TFEC: variants seen among roughly 807,000 people sequenced by gnomAD.
TFEC encodes class E basic helix-loop-helix protein 34.
TFEC carries 31 observed loss-of-function variants against 41.6 expected under a neutral mutation model. That is an observed-to-expected ratio of 0.74 (90% CI 0.56 to 1.01). TFEC has a LOEUF of 1.01. Among genes scored for constraint, TFEC ranks in the 50% least tolerant of loss-of-function variants. The probability of loss-of-function intolerance (pLI) is 0.00; values close to 1 mark genes in which losing one functional copy is unlikely to be tolerated. For synonymous variants in TFEC, 143 were observed against 140.6 expected, an observed-to-expected ratio of 1.02 and a Z score of -0.12; for missense variants, 402 against 404.1, an observed-to-expected ratio of 0.99 and a Z score of 0.04.
chr7:115,977,345 T>C (rs1043892258), intron 2 of TFEC, among the ~76,000 whole-genome samples: 1 of 151,988 alleles, frequency 6.6e-6, no homozygotes, highest in African/African-American at 2.4e-5. Context: ...AGTATAAGAT[T>C]CAAGGACAAA....
intron 3 of TFEC, among the ~76,000 whole-genome samples, chr7:115,970,681 G>A (rs1444476192): frequency 6.6e-6 from 1 of 151,940 alleles, no homozygotes; most frequent in East Asian, 1.9e-4. Context: ...ACAAATGGTA[G>A]GGCTAGCTTT....
intron 2 of TFEC, among the ~76,000 whole-genome samples, chr7:115,978,071 A>AAT (rs1793464402): frequency 6.6e-6 from 1 of 152,136 alleles, no homozygotes; most frequent in Admixed American, 6.6e-5. Flanking sequence ...TAAGTACAAG[A>AAT]ATATAAATGA....
At chr7:116,119,309 A>C (rs73719113) in intron 1 of TFEC, among the ~76,000 whole-genome samples, 1,936 of 151,976 alleles carry the variant, frequency 0.013, 44 homozygotes, top group African/African-American at 0.045. Flanking sequence ...GAAAAATAGT[A>C]TTAGCAATAA....
At chr7:116,032,333 T>C (rs1161486480), upstream of TFEC, among the ~76,000 whole-genome samples, 3 of 152,126 alleles carry the variant, frequency 2.0e-5, no homozygotes, top group Admixed American at 1.3e-4. Context: ...CATTACTAGG[T>C]ATATGCCCAA....
chr7:116,121,452 G>A (rs547597649), intron 1 of TFEC: 59 of 152,026 alleles, frequency 3.9e-4, no homozygotes, highest in African/African-American at 1.3e-3. Context: ...GTTTCTCTCT[G>A]GGGTGACGAA....
chr7:116,117,724 A>G (rs1481469790), intron 1 of TFEC, among the ~76,000 whole-genome samples: 4 of 151,900 alleles, frequency 2.6e-5, no homozygotes, highest in Non-Finnish European at 5.9e-5. Context: ...ACAGAAATAA[A>G]CAGTGTGCCA....
chr7:116,095,980 C>A (rs1484583275), intron 3 of TFEC, among the ~76,000 whole-genome samples: 2 of 152,160 alleles, frequency 1.3e-5, no homozygotes, highest in Non-Finnish European at 2.9e-5. Flanking sequence ...AGATGTGTTT[C>A]CTCTTCTAAA....
At chr7:116,014,654 C>A (rs1056788687) in intron 1 of TFEC, among the ~76,000 whole-genome samples, 3 of 152,048 alleles carry the variant, frequency 2.0e-5, no homozygotes, top group African/African-American at 7.3e-5. Flanking sequence ...TACCCTAGAA[C>A]CTGTGGATAA....
intron 1 of TFEC, among the ~76,000 whole-genome samples, chr7:115,990,483 G>C (rs1331764439): frequency 6.6e-6 from 1 of 152,142 alleles, no homozygotes; most frequent in Non-Finnish European, 1.5e-5. Flanking sequence ...TAAAAACCTT[G>C]AAAAGAGATT....
chr7:115,943,423 AT>A (rs1452292547), intron 6 of TFEC, among the ~76,000 whole-genome samples: 1 of 151,982 alleles, frequency 6.6e-6, no homozygotes, highest in African/African-American at 2.4e-5. Context: ...AGAGAAACAG[AT>A]TTAAAAAAAA....
intron 3 of TFEC, among the ~76,000 whole-genome samples, chr7:116,059,480 C>CCCCA (rs1176944884): frequency 1.3e-5 from 2 of 151,808 alleles, no homozygotes; most frequent in Non-Finnish European, 2.9e-5. Flanking sequence ...CGTCTTCTTC[C>CCCCA]CCCACTCACT....
intron 3 of TFEC, among the ~76,000 whole-genome samples, chr7:116,072,989 T>G (rs116532645): frequency 0.014 from 2,106 of 151,240 alleles, 45 homozygotes; most frequent in African/African-American, 0.049. Context: ...AATTAATAAT[T>G]AATTAATTAA....
chr7:116,093,395 A>C (rs1401682767), intron 3 of TFEC, among the ~76,000 whole-genome samples: 1 of 152,106 alleles, frequency 6.6e-6, no homozygotes, highest in Non-Finnish European at 1.5e-5. Context: ...GCAAGAAAAG[A>C]CCCTTTCTTT....
intron 1 of TFEC, among the ~76,000 whole-genome samples, chr7:115,994,878 C>T (rs1794290409): frequency 6.6e-6 from 1 of 152,090 alleles, no homozygotes; most frequent in Non-Finnish European, 1.5e-5. Flanking sequence ...AATCATGCCG[C>T]TATAAAGACA....
chr7:116,044,071 C>A (rs943931640), intron 3 of TFEC, among the ~76,000 whole-genome samples: 1 of 152,140 alleles, frequency 6.6e-6, no homozygotes, highest in African/African-American at 2.4e-5. Context: ...ATTATAGCAT[C>A]TACATGTATG....
At chr7:116,145,491 C>G (rs1229328032) in intron 1 of TFEC, among the ~76,000 whole-genome samples, 1 of 152,268 alleles carries the variant, frequency 6.6e-6, no homozygotes, top group Non-Finnish European at 1.5e-5. Flanking sequence ...ACATAAAAGA[C>G]CATAACCGTT....
intron 3 of TFEC, chr7:115,968,201 G>A: frequency 6.6e-7 from 1 of 1,526,066 alleles, no homozygotes; most frequent in Non-Finnish European, 8.8e-7. Context: ...TAACTTTGAA[G>A]TGTCTATAAC....
At chr7:116,071,343 T>C (rs917872183) in intron 3 of TFEC, among the ~76,000 whole-genome samples, 7 of 149,372 alleles carry the variant, frequency 4.7e-5, no homozygotes, top group Non-Finnish European at 8.9e-5. Context: ...GCAGGCATAC[T>C]AGAGTTAAAA....
At chr7:115,986,680 T>C (rs748925669) in intron 1 of TFEC, among the ~76,000 whole-genome samples, 9 of 143,504 alleles carry the variant, frequency 6.3e-5, no homozygotes, top group Non-Finnish European at 9.0e-5. Flanking sequence ...TTCTCACTCA[T>C]AGGTGGGAAC....
Sources: gnomAD v4.1 joint callset for allele counts (sites outside exome capture counted in the v4.1 genomes callset) on GRCh38, gnomAD v4.1.1 for gene constraint, MANE v1.5 for transcripts, NCBI Gene and HGNC (gene_info 2026-07-23, HGNC 2026-07-21) for gene names.